Variants in CAMK1D observed in about 807,000 individuals in gnomAD.
CAMK1D encodes the protein calcium/calmodulin-dependent protein kinase type 1D.
A neutral mutation model predicts 47.7 loss-of-function variants in CAMK1D; 9 were observed. The ratio of observed to expected loss-of-function variants is 0.19; its 90% CI spans 0.11 to 0.33. The LOEUF is 0.33. CAMK1D is among the 10% of genes least tolerant of loss of function. The probability of loss-of-function intolerance (pLI) is 1.00; values close to 1 mark genes in which losing one functional copy is unlikely to be tolerated. For missense variants in CAMK1D, 291 were observed against 488.7 expected (o/e 0.60, Z 3.81); for synonymous variants, 184 against 184.9 (o/e 0.99, Z 0.04).
At chr10:12,680,974 C>G (rs1411688772) in intron 3 of CAMK1D, among the ~76,000 whole-genome samples, 2 of 152,046 alleles carry the variant, frequency 1.3e-5, no homozygotes, top group African/African-American at 4.8e-5. Flanking sequence ...CCCTCCTGAC[C>G]TCTGACCACT....
chr10:12,520,392 C>T (rs1471424464), intron 1 of CAMK1D, among the ~76,000 whole-genome samples: 1 of 96,328 alleles, frequency 1.0e-5, no homozygotes, highest in Middle Eastern at 4.4e-3. Flanking sequence ...AGAGACGCTC[C>T]TCACTTCTTA....
chr10:12,442,986 C>T (rs1832825552), intron 1 of CAMK1D, among the ~76,000 whole-genome samples: 1 of 152,180 alleles, frequency 6.6e-6, no homozygotes, highest in Non-Finnish European at 1.5e-5. Context: ...TACTTTTCTA[C>T]TTCTCTTCTC....
intron 3 of CAMK1D, among the ~76,000 whole-genome samples, chr10:12,705,772 G>T (rs1051178924): frequency 6.6e-6 from 1 of 152,220 alleles, no homozygotes; most frequent in Non-Finnish European, 1.5e-5. Flanking sequence ...GAAGTATGAT[G>T]GATGGTTCGT....
intron 6 of CAMK1D, among the ~76,000 whole-genome samples, chr10:12,807,812 C>A (rs1381515148): frequency 6.6e-6 from 1 of 152,214 alleles, no homozygotes; most frequent in African/African-American, 2.4e-5. Flanking sequence ...CTGCAGGCCC[C>A]CCTGTCTCCT....
intron 2 of CAMK1D, among the ~76,000 whole-genome samples, chr10:12,596,826 AT>A (rs927840886): frequency 1.7e-4 from 25 of 145,148 alleles, no homozygotes; most frequent in Middle Eastern, 3.6e-3. Flanking sequence ...TCCCACCCAC[AT>A]TTTTTTTTTA....
chr10:12,755,014 A>T (rs1364301279), intron 3 of CAMK1D, among the ~76,000 whole-genome samples: 1 of 152,196 alleles, frequency 6.6e-6, no homozygotes, highest in African/African-American at 2.4e-5. Flanking sequence ...AACCGAATAC[A>T]GGTGGCTAAA....
intron 1 of CAMK1D, among the ~76,000 whole-genome samples, chr10:12,367,655 A>G (rs889845188): frequency 6.6e-6 from 1 of 151,972 alleles, no homozygotes; most frequent in Non-Finnish European, 1.5e-5. Context: ...GGAGCACACA[A>G]CCTAGATCCC....
chr10:12,610,309 G>A (rs539695800), intron 2 of CAMK1D, among the ~76,000 whole-genome samples: 10 of 152,236 alleles, frequency 6.6e-5, no homozygotes, highest in African/African-American at 2.4e-4. Flanking sequence ...TAAGCTTTCT[G>A]TATCATTCAT....
intron 1 of CAMK1D, among the ~76,000 whole-genome samples, chr10:12,352,958 CGATCTCCT>C (rs909412940): frequency 1.3e-5 from 2 of 151,992 alleles, no homozygotes; most frequent in African/African-American, 4.8e-5. Flanking sequence ...AGGATGGTCT[CGATCTCCT>C]GACCTCATGA....
chr10:12,448,494 G>A (rs887106964), intron 1 of CAMK1D, among the ~76,000 whole-genome samples: 1 of 152,124 alleles, frequency 6.6e-6, no homozygotes, highest in Non-Finnish European at 1.5e-5. Flanking sequence ...ACCATGCCTG[G>A]CCCACAGAGT....
chr10:12,816,060 G>A (rs1229152484), intron 7 of CAMK1D, among the ~76,000 whole-genome samples, 190 bp from the exon 8 acceptor site: 1 of 152,176 alleles, frequency 6.6e-6, no homozygotes, highest in Non-Finnish European at 1.5e-5. Context: ...GGCCACCCTA[G>A]AGTGCCAAGT....
intron 3 of CAMK1D, among the ~76,000 whole-genome samples, chr10:12,729,656 G>A (rs1304425054): frequency 2.0e-5 from 3 of 152,170 alleles, no homozygotes; most frequent in African/African-American, 7.2e-5. Context: ...TTTTAAAAAG[G>A]ATTAAGTGGT....
At position 12,666,771 on chromosome 10, in the gene CAMK1D, T is replaced by C; in HGVS notation, c.260T>C (p.Ile87Thr). The stretch of plus-strand genomic sequence containing the variant: ...GAAAATATTGTTGCCCTGGAAGACA[T>C]TTATGAAAGCCCAAATCACCTGTAC... ...KHENIVALED[I>T]YESPNHLYLV... Residue 87 changes from isoleucine to threonine, a missense_variant, in exon 3 of 11, where the codon ATT becomes ACT. Ile to Thr is a moderately conservative substitution (Grantham distance 89). Coordinates refer to ENST00000619168, the MANE Select transcript of CAMK1D (RefSeq NM_153498.4). The C allele has an allele frequency of 6.2e-7, 1 of 1,614,064 alleles. No individual in the cohort carries two copies. The highest frequency in any genetic ancestry group is 8.5e-7 in the Non-Finnish European group (1 of 1,179,932).
chr10:12,361,382 G>A (rs1290051824), intron 1 of CAMK1D, among the ~76,000 whole-genome samples: 2 of 151,244 alleles, frequency 1.3e-5, no homozygotes, highest in African/African-American at 4.9e-5. Flanking sequence ...GAGTATATGA[G>A]ATAACAGGCA....
chr10:12,712,380 G>C (rs1488170413), intron 3 of CAMK1D, among the ~76,000 whole-genome samples: 1 of 152,234 alleles, frequency 6.6e-6, no homozygotes, highest in Admixed American at 6.5e-5. Flanking sequence ...CCATGGAGGG[G>C]CACACAGGGT....
chr10:12,715,776 A>T (rs1040884392), intron 3 of CAMK1D, among the ~76,000 whole-genome samples: 1 of 146,480 alleles, frequency 6.8e-6, no homozygotes, highest in African/African-American at 2.5e-5. Flanking sequence ...GCTGGAGTGC[A>T]GTGGTGCAAT....
At chr10:12,601,516 T>A in intron 2 of CAMK1D, among the ~76,000 whole-genome samples, 1 of 152,072 alleles carries the variant, frequency 6.6e-6, no homozygotes, top group East Asian at 1.9e-4. Flanking sequence ...CAGGCTGGAG[T>A]GCAATGGCAA....
At chr10:12,526,389 G>A (rs1835622085) in intron 1 of CAMK1D, among the ~76,000 whole-genome samples, 1 of 152,144 alleles carries the variant, frequency 6.6e-6, no homozygotes, top group Admixed American at 6.5e-5. Flanking sequence ...TCCTGAGTGA[G>A]CCGGGACTTG....
chr10:12,800,692 C>T (rs1838387869), intron 6 of CAMK1D, among the ~76,000 whole-genome samples: 1 of 152,166 alleles, frequency 6.6e-6, no homozygotes, highest in African/African-American at 2.4e-5. Context: ...TACTCCTTAA[C>T]AAATATGCCT....
Sources: allele counts gnomAD v4.1 joint callset (sites outside exome capture counted in the v4.1 genomes callset), GRCh38; gene constraint gnomAD v4.1.1; transcripts MANE v1.5; gene names NCBI Gene and HGNC (gene_info 2026-07-23, HGNC 2026-07-21).